The following KIAA0586 variants were observed in gnomAD, a reference collection of about 807,000 sequenced individuals.
KIAA0586 encodes KIAA0586, also known as protein TALPID3.
KIAA0586 carries 144 observed loss-of-function variants against 169.8 expected under a neutral mutation model. That is an observed-to-expected ratio of 0.85 (90% CI 0.74 to 0.97). The LOEUF (loss-of-function observed/expected upper bound fraction) is 0.97, where lower values mean the gene tolerates loss of function less well. Among genes scored for constraint, KIAA0586 ranks in the 50% least tolerant of loss-of-function variants. The probability of loss-of-function intolerance (pLI) is 0.00; values close to 1 mark genes in which losing one functional copy is unlikely to be tolerated. For synonymous variants in KIAA0586, 625 were observed against 612.4 expected, an observed-to-expected ratio of 1.02 and a Z score of -0.30; for missense variants, 1,854 against 1,823.0, an observed-to-expected ratio of 1.02 and a Z score of -0.31.
At chr14:58,431,042 C>T (rs1348069024) in intron 3 of KIAA0586, among the ~76,000 whole-genome samples, 1 of 152,156 alleles carries the variant, frequency 6.6e-6, no homozygotes, top group Non-Finnish European at 1.5e-5. Flanking sequence ...TTTAAAGGTT[C>T]ATCCATGTTG....
intron 25 of KIAA0586, among the ~76,000 whole-genome samples, chr14:58,491,587 T>G (rs1331214126): frequency 6.6e-6 from 1 of 152,226 alleles, no homozygotes; most frequent in Non-Finnish European, 1.5e-5. Flanking sequence ...TTTTGAGGCA[T>G]GAGGAAGCCT....
intron 29 of KIAA0586, among the ~76,000 whole-genome samples, chr14:58,530,872 C>T (rs1183267152): frequency 2.6e-5 from 4 of 152,102 alleles, no homozygotes; most frequent in Non-Finnish European, 4.4e-5. Context: ...AGCTTCTGCA[C>T]AGCAAAAGAA....
chr14:58,528,243 A>T (rs1020231139), intron 29 of KIAA0586, among the ~76,000 whole-genome samples: 7 of 152,208 alleles, frequency 4.6e-5, no homozygotes, highest in Non-Finnish European at 8.8e-5. Context: ...AGACTCCCAC[A>T]CAATAATAGT....
intron 29 of KIAA0586, 63 bp downstream of exon 29, chr14:58,512,690 T>C (rs1198713793): frequency 1.1e-6 from 1 of 926,120 alleles, no homozygotes; most frequent in Admixed American, 3.6e-5. Context: ...TGAACAAATA[T>C]GAGAATTCTT....
At chr14:58,515,010 A>C (rs1424360006) in intron 29 of KIAA0586, among the ~76,000 whole-genome samples, 1 of 152,062 alleles carries the variant, frequency 6.6e-6, no homozygotes, top group South Asian at 2.1e-4. Flanking sequence ...TAATGTATTA[A>C]AATAGTACAC....
chr14:58,557,586 G>A, the KIAA0586 span, among the ~76,000 whole-genome samples: 6 of 152,158 alleles, frequency 3.9e-5, no homozygotes, highest in Admixed American at 1.3e-4. Flanking sequence ...AGATTTCAGA[G>A]AGCCAATAGA....
chr14:58,431,731 A>G (rs2037391595), intron 3 of KIAA0586, among the ~76,000 whole-genome samples: 1 of 152,102 alleles, frequency 6.6e-6, no homozygotes, highest in African/African-American at 2.4e-5. Context: ...TATTTGTGTC[A>G]TCTGTGATTT....
At chr14:58,555,248 C>T (rs1382774188), downstream of KIAA0586, among the ~76,000 whole-genome samples, 1 of 151,646 alleles carries the variant, frequency 6.6e-6, no homozygotes, top group Non-Finnish European at 1.5e-5. Flanking sequence ...TTACAGGGCC[C>T]CACCACCACG....
intron 6 of KIAA0586, among the ~76,000 whole-genome samples, chr14:58,444,445 A>T (rs901251096): frequency 6.6e-6 from 1 of 151,850 alleles, no homozygotes; most frequent in African/African-American, 2.4e-5. Flanking sequence ...ATTTTTTGAG[A>T]TGGAGTTTGC....
At chr14:58,529,575 C>T (rs565583026) in intron 29 of KIAA0586, among the ~76,000 whole-genome samples, 8 of 152,254 alleles carry the variant, frequency 5.3e-5, no homozygotes, top group South Asian at 2.1e-4. Context: ...TAAACATGAT[C>T]CATCACATAA....
intron 4 of KIAA0586, among the ~76,000 whole-genome samples, chr14:58,441,569 C>G (rs1202678787): frequency 6.6e-6 from 1 of 152,128 alleles, no homozygotes; most frequent in East Asian, 1.9e-4. Flanking sequence ...ACCACAGCAG[C>G]TTGTCTGAAG....
chr14:58,429,572 T>A (rs2037188464), intron 2 of KIAA0586, 139 bp downstream of exon 2: 4 of 632,340 alleles, frequency 6.3e-6, no homozygotes, highest in East Asian at 5.3e-5. Context: ...TTTTATATAC[T>A]ACAATTGTGA....
At chr14:58,510,669 C>A (rs1566922455) in intron 28 of KIAA0586, among the ~76,000 whole-genome samples, 1 of 152,086 alleles carries the variant, frequency 6.6e-6, no homozygotes, top group Non-Finnish European at 1.5e-5. Flanking sequence ...AAGACATGTA[C>A]GTGAATGTTC....
chr14:58,488,649 C>A lies in KIAA0586; in HGVS notation c.3556C>A (p.Pro1186Thr), dbSNP rs368136238. The A allele has an allele frequency of 1.2e-4, 186 of 1,613,732 alleles. No individual in the cohort carries two copies. Among genetic ancestry groups the A allele is most frequent in the Non-Finnish European group, 1.5e-4 (180 of 1,179,836 alleles). Residue 1186 changes from proline to threonine, a missense_variant, in exon 24 of 31, where the codon CCA becomes ACA. Coordinates refer to ENST00000652326, the MANE Select transcript of KIAA0586 (RefSeq NM_001329943.3). Reference protein sequence around the residue: ...IVMSVAKDEEPESMDFPAQPP... With the variant: ...IVMSVAKDEETESMDFPAQPP... Reference sequence around the variant, plus strand: ...AATGTCTGTGGCTAAGGATGAAGAACCAGAGAGTATGGATTTCCCTGCTCA... The same window carrying A: ...AATGTCTGTGGCTAAGGATGAAGAAACAGAGAGTATGGATTTCCCTGCTCA...
chr14:58,561,245 T>A, the KIAA0586 span, among the ~76,000 whole-genome samples: 1 of 152,214 alleles, frequency 6.6e-6, no homozygotes, highest in Non-Finnish European at 1.5e-5. Context: ...ATAAACAGTT[T>A]TGGTTTTAGT....
chr14:58,428,666 CTTT>C (rs33975443), intron 1 of KIAA0586, among the ~76,000 whole-genome samples: 4 of 74,138 alleles, frequency 5.4e-5, no homozygotes, highest in Admixed American at 2.5e-4. Context: ...CCCTGTTGTG[CTTT>C]TTTTTTTTTT....
intron 26 of KIAA0586, among the ~76,000 whole-genome samples, chr14:58,495,368 G>A (rs1043527490): frequency 3.3e-5 from 5 of 152,016 alleles, no homozygotes; most frequent in Admixed American, 2.0e-4. Context: ...CAGTGGCTCA[G>A]TCAGCTCACT....
intron 4 of KIAA0586, among the ~76,000 whole-genome samples, chr14:58,435,207 T>A (rs1349985803): frequency 6.6e-6 from 1 of 152,222 alleles, no homozygotes; most frequent in Non-Finnish European, 1.5e-5. Flanking sequence ...ACAGTGCTCT[T>A]AACCATTGCG....
chr14:58,484,755 A>G (rs1595320867), intron 21 of KIAA0586, among the ~76,000 whole-genome samples: 5 of 149,234 alleles, frequency 3.4e-5, no homozygotes, highest in East Asian at 3.9e-4. Context: ...GCAATGCTAT[A>G]GAAATTCTAA....
Sources: allele counts gnomAD v4.1 joint callset (sites outside exome capture counted in the v4.1 genomes callset), GRCh38; gene constraint gnomAD v4.1.1; transcripts MANE v1.5; gene names NCBI Gene and HGNC (gene_info 2026-07-23, HGNC 2026-07-21).